Variants in ATP8A2 observed in about 807,000 individuals in gnomAD.
ATP8A2 encodes ATPase phospholipid transporting 8A2.
ATP8A2 carries 100 observed loss-of-function variants against 165.6 expected under a neutral mutation model. The observed-to-expected ratio is 0.60, with a 90% confidence interval of 0.51 to 0.71. ATP8A2 has a LOEUF of 0.71. Ranked by LOEUF, ATP8A2 falls within the 30% of genes least tolerant of loss-of-function variation. The pLI, the probability that ATP8A2 is intolerant of heterozygous loss-of-function variation, is 0.00. For missense variants in ATP8A2, 1,227 were observed against 1,479.5 expected, an observed-to-expected ratio of 0.83 and a Z score of 2.80; for synonymous variants, 543 against 548.8, an observed-to-expected ratio of 0.99 and a Z score of 0.15.
intron 10 of ATP8A2, among the ~76,000 whole-genome samples, chr13:25,548,226 C>CA (rs756739627): frequency 5.3e-5 from 8 of 150,596 alleles, no homozygotes; most frequent in Non-Finnish European, 1.2e-4. Context: ...ACTCTGTCTC[C>CA]AAAAAACAAA....
intron 35 of ATP8A2, among the ~76,000 whole-genome samples, chr13:25,996,810 A>G (rs1349728564): frequency 6.6e-6 from 1 of 152,164 alleles, no homozygotes; most frequent in Non-Finnish European, 1.5e-5. Context: ...CAGCCTCCCA[A>G]GTAGCTGGGA....
intron 13 of ATP8A2, among the ~76,000 whole-genome samples, chr13:25,556,280 T>C (rs1039671146): frequency 6.6e-6 from 1 of 152,188 alleles, no homozygotes; most frequent in African/African-American, 2.4e-5. Flanking sequence ...GCATCTGTTG[T>C]TTTTTGACTT....
intron 24 of ATP8A2, among the ~76,000 whole-genome samples, chr13:25,647,012 T>C (rs768706566): frequency 3.9e-5 from 6 of 152,228 alleles, no homozygotes; most frequent in Non-Finnish European, 8.8e-5. Flanking sequence ...ACACTACACT[T>C]CTCTTTCCCC....
chr13:25,974,303 C>T (rs12871257), intron 35 of ATP8A2, among the ~76,000 whole-genome samples: 42,756 of 152,160 alleles, frequency 0.28, 7,571 homozygotes, highest in Non-Finnish European at 0.39. Context: ...TTTCACTGGC[C>T]GTGTTTACCA....
At chr13:25,397,776 T>C (rs1369361796) in intron 1 of ATP8A2, among the ~76,000 whole-genome samples, 1 of 152,202 alleles carries the variant, frequency 6.6e-6, no homozygotes, top group Non-Finnish European at 1.5e-5. Flanking sequence ...CTAGAAGTTA[T>C]AGGCAATGGC....
chr13:25,454,894 C>A (rs1342151589), intron 1 of ATP8A2, among the ~76,000 whole-genome samples: 2 of 152,216 alleles, frequency 1.3e-5, no homozygotes, highest in African/African-American at 4.8e-5. Context: ...TGTACTCCAG[C>A]CTCGCCGACA....
At chr13:25,554,965 C>T (rs1291541745) in intron 12 of ATP8A2, 26 bp from the exon 13 acceptor site, 1 of 1,450,386 alleles carries the variant, frequency 6.9e-7, no homozygotes, top group Non-Finnish European at 9.6e-7. Context: ...TTTCTGAAAT[C>T]CTGTCTCTTG....
intron 24 of ATP8A2, among the ~76,000 whole-genome samples, chr13:25,669,279 T>C (rs1172880050): frequency 2.0e-5 from 3 of 152,238 alleles, no homozygotes; most frequent in Admixed American, 2.0e-4. Context: ...TACTGAAGCC[T>C]CTGTTCTGTT....
intron 30 of ATP8A2, among the ~76,000 whole-genome samples, chr13:25,852,788 C>G (rs116618896): frequency 6.6e-6 from 1 of 151,860 alleles, no homozygotes; most frequent in African/African-American, 2.4e-5. Flanking sequence ...GCCAGCCTGA[C>G]TAACATGGTA....
chr13:25,768,076 T>TGGGGGGGGGGGGGG (rs397942177), intron 25 of ATP8A2, among the ~76,000 whole-genome samples: 4 of 49,230 alleles, frequency 8.1e-5, no homozygotes, highest in East Asian at 1.2e-3. Context: ...TGTGGTGGCG[T>TGGGGGGGGGGGGGG]GGGGGGGGGG....
chr13:25,686,638 A>G (rs1030305222), intron 24 of ATP8A2, among the ~76,000 whole-genome samples: 8 of 152,136 alleles, frequency 5.3e-5, no homozygotes, highest in African/African-American at 1.9e-4. Context: ...TTTTGGCTTA[A>G]AAATATTTCT....
chr13:25,473,525 T>C (rs1391751924), intron 2 of ATP8A2, among the ~76,000 whole-genome samples: 2 of 152,190 alleles, frequency 1.3e-5, no homozygotes, highest in Admixed American at 6.5e-5. Context: ...CTTTCAAATG[T>C]TTTAAAGGTT....
At chr13:25,494,990 C>T (rs1187810866) in intron 2 of ATP8A2, among the ~76,000 whole-genome samples, 1 of 152,198 alleles carries the variant, frequency 6.6e-6, no homozygotes, top group African/African-American at 2.4e-5. Context: ...TAAGATTCTG[C>T]TTCTTAAACT....
intron 10 of ATP8A2, among the ~76,000 whole-genome samples, chr13:25,545,351 T>C (rs2038614129): frequency 6.6e-6 from 1 of 152,114 alleles, no homozygotes; most frequent in Admixed American, 6.5e-5. Context: ...TGGAATGCTT[T>C]AAGTTTATTG....
At chr13:25,380,144 AGACGT>A (rs2032786270) in intron 1 of ATP8A2, among the ~76,000 whole-genome samples, 1 of 152,180 alleles carries the variant, frequency 6.6e-6, no homozygotes, top group South Asian at 2.1e-4. Flanking sequence ...AGCATCAGAG[AGACGT>A]GCAAGTCATG....
intron 24 of ATP8A2, among the ~76,000 whole-genome samples, chr13:25,648,250 A>C (rs1276841681): frequency 2.0e-5 from 3 of 151,932 alleles, no homozygotes; most frequent in Non-Finnish European, 4.4e-5. Context: ...CATCTCTATG[A>C]TTTCTTTCTT....
At chr13:25,584,624 C>G (rs1034876778) in intron 23 of ATP8A2, among the ~76,000 whole-genome samples, 9 of 152,126 alleles carry the variant, frequency 5.9e-5, no homozygotes, top group African/African-American at 2.2e-4. Context: ...GGAGGAAATT[C>G]TACATTTCCC....
At chr13:25,922,886 A>T (rs1316594062) in intron 33 of ATP8A2, among the ~76,000 whole-genome samples, 1 of 152,170 alleles carries the variant, frequency 6.6e-6, no homozygotes, top group Non-Finnish European at 1.5e-5. Context: ...TCATTCCTGC[A>T]ATTGTACCCA....
chr13:25,570,820 G>A lies in ATP8A2; in HGVS notation c.1527G>A (p.Thr509=). Reference sequence around the variant, plus strand: ...TCACCCTTCTGGCCGTGTGCCACACGGTTGTTCCTGAGAAGGATGGAGATA... The same window carrying A: ...TCACCCTTCTGGCCGTGTGCCACACAGTTGTTCCTGAGAAGGATGGAGATA... The part of the protein sequence containing the change: ...EFLTLLAVCH[T]VVPEKDGDNI... Residue 509 remains threonine, a synonymous_variant, in exon 17 of 37, where the codon ACG becomes ACA. Transcript: ENST00000381655. 6 of 1,613,730 alleles carry A rather than the reference G, an allele frequency of 3.7e-6. No homozygotes were observed. Among genetic ancestry groups the A allele is most frequent in the East Asian group, 2.2e-5 (1 of 44,866 alleles).
Sources: allele counts gnomAD v4.1 joint callset (sites outside exome capture counted in the v4.1 genomes callset), GRCh38; gene constraint gnomAD v4.1.1; transcripts MANE v1.5; gene names NCBI Gene and HGNC (gene_info 2026-07-23, HGNC 2026-07-21).